The following ZNF41 variants were observed in gnomAD, a reference collection of about 807,000 sequenced individuals.
ZNF41 encodes the protein zinc finger protein 41.
In ZNF41, 6 loss-of-function variants were observed where a neutral mutation model predicts 9.3. That is an observed-to-expected ratio of 0.65 (90% CI 0.35 to 1.28). The LOEUF is 1.28. Ranked by LOEUF, ZNF41 falls within the 50% of genes most tolerant of loss-of-function variation. The pLI is 0.03. For missense variants in ZNF41, 523 were observed against 585.8 expected (o/e 0.89, Z 1.11); for synonymous variants, 192 against 207.1 (o/e 0.93, Z 0.63).
Position 47,447,545 on chromosome X carries a change from G to A in ZNF41, c.2225C>T (p.Thr742Ile). 2.5e-6 allele frequency: 3 copies of A among 1,211,805 alleles called. No individual in the cohort carries two copies. Among genetic ancestry groups the A allele is most frequent in the Non-Finnish European group, 3.4e-6 (3 of 895,507 alleles). Reference protein sequence around the residue: ...ATLSMHQIIHTGKKPYACTEC... With the variant: ...ATLSMHQIIHIGKKPYACTEC... ...TGTACAAGCATAAGGTTTCTTTCCT[G>A]TATGAATTATCTGATGCATACTTAG... The change falls in exon 5 of 5, where the codon ACA (threonine) becomes ATA (isoleucine). Residue 742 changes from threonine (T) to isoleucine (I), a missense_variant. Coordinates refer to ENST00000684689, the MANE Select transcript of ZNF41 (RefSeq NM_001324144.2).
intron 1 of ZNF41, among the ~76,000 whole-genome samples, chrX:47,473,066 C>T (rs185529594): frequency 1.8e-5 from 2 of 110,445 alleles, no homozygotes; most frequent in East Asian, 5.7e-4. Flanking sequence ...CTCTGTCACC[C>T]AGCCAGGAGT....
Position 47,483,194 on chromosome X carries a change from G to T in ZNF41, c.-379C>A, listed in dbSNP as rs2057530355. On this transcript the variant is annotated 5_prime_UTR_variant, in exon 1 of 5. Transcript: ENST00000684689. The stretch of plus-strand genomic sequence containing the variant: ...ACCGAACCTGTGCAGTTGCCGCGGG[G>T]GGAGTCGTGCGTGTCAGATTTAGGC... Among the ~76,000 whole-genome samples the T allele has an allele frequency of 8.9e-6, 1 of 112,099 alleles. No homozygotes were observed. The highest frequency in any genetic ancestry group is 3.2e-5 in the African/African-American group (1 of 30,842).
chrX:47,470,112 G>A, intron 1 of ZNF41, among the ~76,000 whole-genome samples: 1 of 110,348 alleles, frequency 9.1e-6, no homozygotes, highest in East Asian at 2.8e-4. Context: ...AAACCTAAAA[G>A]GAAAGAGAAA....
At chrX:47,473,582 T>C (rs976582657) in intron 1 of ZNF41, among the ~76,000 whole-genome samples, 3 of 112,283 alleles carry the variant, frequency 2.7e-5, no homozygotes, top group Non-Finnish European at 5.6e-5. Context: ...GTTTTTGTAT[T>C]ATATTTAACA....
In ZNF41 at chrX:47,465,263, A is replaced by G. The variant is rs750500401; in HGVS notation, c.72+2147T>C. ...AAAACTTGAAATACCCTAAATGCAC[A>G]TTATTAGTGGACTGGTTGTGGGGGG... On this transcript the variant is annotated intron_variant, in intron 2 of 4. Transcript: ENST00000684689. 2.7e-5 allele frequency among the ~76,000 whole-genome samples: 3 copies of G among 112,568 alleles called. No homozygotes were observed. The Admixed American group carries it at 2.8e-4, about 11-fold the overall frequency.
At chrX:47,473,031 AT>A (rs1287371290) in intron 1 of ZNF41, among the ~76,000 whole-genome samples, 1 of 105,240 alleles carries the variant, frequency 9.5e-6, no homozygotes, top group Non-Finnish European at 2.0e-5. Context: ...TACAAAAAAA[AT>A]TTTTTTTTAG....
chrX:47,464,433 T>C (rs2056918786), intron 2 of ZNF41, among the ~76,000 whole-genome samples: 1 of 111,712 alleles, frequency 9.0e-6, no homozygotes, highest in Non-Finnish European at 1.9e-5. Context: ...TTGGTACAAC[T>C]GGCTGCTCCT....
intron 2 of ZNF41, among the ~76,000 whole-genome samples, chrX:47,457,838 A>AAAAC (rs1261754333): frequency 1.3e-4 from 15 of 112,087 alleles, no homozygotes; most frequent in East Asian, 1.1e-3. Context: ...CTCCATCTCA[A>AAAAC]AAACAAACAA....
rs2057034004 is a variant in ZNF41, at chrX:47,467,584, G to A, written c.-103C>T. ...CTGTGGACTCAACCGGAGCTGCTGG[G>A]GCGAGGCAAGCAGGGGTCAGAAGGA... On this transcript the variant is annotated 5_prime_UTR_variant, in exon 2 of 5. Coordinates refer to ENST00000684689, the MANE Select transcript of ZNF41 (RefSeq NM_001324144.2). 3 of 1,010,807 alleles carry A rather than the reference G, an allele frequency of 3.0e-6. No individual in the cohort carries two copies. In the East Asian group the frequency reaches 1.0e-4, roughly 34 times the overall value. 83.3% of individuals were successfully genotyped at this position (1,010,807 alleles called of 1,213,427 possible).
intron 1 of ZNF41, among the ~76,000 whole-genome samples, chrX:47,467,984 C>T (rs930516894): frequency 3.6e-5 from 4 of 111,776 alleles, no homozygotes; most frequent in African/African-American, 1.3e-4. Context: ...GATGCTTCTA[C>T]GCACACCTAC....
Position 47,467,362 on chromosome X carries a change from T to A in ZNF41, c.72+48A>T, listed in dbSNP as rs753526940. The A allele has an allele frequency of 5.1e-6, 6 of 1,168,228 alleles. No homozygotes were observed. In the Admixed American group the frequency reaches 7.7e-5, roughly 15 times the overall value. ...TAGGCCCTGGGGACAGGTCAGGGTATCTCTTCACTGAATGAATTCTTGCCT... is the reference window on the plus strand; with the variant it reads ...TAGGCCCTGGGGACAGGTCAGGGTAACTCTTCACTGAATGAATTCTTGCCT... On this transcript the variant is annotated intron_variant, in intron 2 of 4. Coordinates refer to ENST00000684689, the MANE Select transcript of ZNF41 (RefSeq NM_001324144.2).
In ZNF41 at chrX:47,448,551, C is replaced by T. The variant is rs766957386; in HGVS notation, c.1219G>A (p.Gly407Arg). 73 of 1,210,036 alleles carry T rather than the reference C, an allele frequency of 6.0e-5. No individual in the cohort carries two copies. The East Asian group carries it at 9.2e-4, about 15-fold the overall frequency. Reference protein sequence around the residue: ...DLSIHQKTHTGEKHYECNECG... With the variant: ...DLSIHQKTHTREKHYECNECG... ...TCATTGCATTCATAGTGTTTCTCTCCGGTATGAGTTTTCTGATGTATACTG... is the reference window on the plus strand; with the variant it reads ...TCATTGCATTCATAGTGTTTCTCTCTGGTATGAGTTTTCTGATGTATACTG... Residue 407 changes from glycine to arginine, a missense_variant, in exon 5 of 5, where the codon GGA (glycine) becomes AGA (arginine). Transcript: ENST00000684689.
chrX:47,454,572 T>G (rs2056481882), intron 4 of ZNF41, among the ~76,000 whole-genome samples: 1 of 111,977 alleles, frequency 8.9e-6, no homozygotes, highest in Middle Eastern at 4.6e-3. Context: ...TCTCATACCC[T>G]GTAAGGAAAC....
chrX:47,455,200 G>A (rs932277399), intron 4 of ZNF41, among the ~76,000 whole-genome samples: 14 of 107,868 alleles, frequency 1.3e-4, no homozygotes, highest in Non-Finnish European at 2.1e-4. Context: ...AAACGAGATC[G>A]TGCCATTGCA....
chrX:47,472,943 G>A (rs1303104750), intron 1 of ZNF41, among the ~76,000 whole-genome samples: 3 of 109,831 alleles, frequency 2.7e-5, no homozygotes, highest in East Asian at 2.9e-4. Flanking sequence ...GGCTGGTCTC[G>A]AACTCCTGAC....
At chrX:47,470,090 CA>C (rs1410324156) in intron 1 of ZNF41, among the ~76,000 whole-genome samples, 1 of 110,408 alleles carries the variant, frequency 9.1e-6, no homozygotes, top group Non-Finnish European at 1.9e-5. Context: ...AATCAAAATT[CA>C]AAAGTAATAA....
At chrX:47,453,496 A>G (rs2056439296) in intron 4 of ZNF41, among the ~76,000 whole-genome samples, 1 of 112,243 alleles carries the variant, frequency 8.9e-6, no homozygotes, top group African/African-American at 3.2e-5. Flanking sequence ...CAACATTAAG[A>G]AAATATTAAA....
rs376568507 is a variant in ZNF41, at chrX:47,448,077, G to A, written c.1693C>T (p.Arg565Cys). 9.3e-5 allele frequency: 113 copies of A among 1,209,505 alleles called. No homozygotes were observed. Among genetic ancestry groups the A allele is most frequent in the Admixed American group, 2.6e-4 (12 of 45,599 alleles). Residue 565 changes from arginine to cysteine, a missense_variant, in exon 5 of 5, where the codon CGC (arginine) becomes TGC (cysteine). Transcript: ENST00000684689. ...TGAGATTTCTGATGTATTTTGAGGC[G>A]CGACTTCCATATGAAGGCTTTTCCA... ...GCGKAFIWKS[R>C]LKIHQKSHIG...
chrX:47,462,910 G>GTA (rs61273021), intron 2 of ZNF41, among the ~76,000 whole-genome samples: 1,206 of 92,702 alleles, frequency 0.013, 17 homozygotes, highest in African/African-American at 0.039. Context: ...TTTTTTGTAT[G>GTA]TATATATATA....
Sources: gnomAD v4.1 joint callset for allele counts (sites outside exome capture counted in the v4.1 genomes callset) on GRCh38, gnomAD v4.1.1 for gene constraint, MANE v1.5 for transcripts, NCBI Gene and HGNC (gene_info 2026-07-23, HGNC 2026-07-21) for gene names.